CCDC40: variants seen among roughly 807,000 people sequenced by gnomAD.
CCDC40 encodes the protein coiled-coil domain 40 molecular ruler complex subunit.
A neutral mutation model predicts 124.5 loss-of-function variants in CCDC40; 104 were observed. The observed-to-expected ratio is 0.84, with a 90% confidence interval of 0.71 to 0.98. The LOEUF (loss-of-function observed/expected upper bound fraction) is 0.98, where lower values mean the gene tolerates loss of function less well. Ranked by LOEUF, CCDC40 falls within the 50% of genes least tolerant of loss-of-function variation. CCDC40 has a pLI of 0.00. For synonymous variants in CCDC40, 580 were observed against 602.9 expected (o/e 0.96, Z 0.56); for missense variants, 1,463 against 1,503.9 (o/e 0.97, Z 0.45).
chr17:80,095,081 G>A (rs1195688252), intron 17 of CCDC40, among the ~76,000 whole-genome samples, 182 bp from the exon 18 acceptor site: 1 of 152,180 alleles, frequency 6.6e-6, no homozygotes, highest in Non-Finnish European at 1.5e-5. Flanking sequence ...TGGATTCCGG[G>A]TTCCCACCCA....
intron 19 of CCDC40, among the ~76,000 whole-genome samples, chr17:80,099,240 G>A (rs990855219): frequency 1.3e-5 from 2 of 151,636 alleles, no homozygotes; most frequent in African/African-American, 4.9e-5. Flanking sequence ...GCAGTGAGCC[G>A]AGATCGCACC....
chr17:80,063,483 G>T (rs2143668184), intron 9 of CCDC40, among the ~76,000 whole-genome samples: 1 of 152,214 alleles, frequency 6.6e-6, no homozygotes, highest in Non-Finnish European at 1.5e-5. Context: ...AGCCTCAGGG[G>T]CACCATGGGG....
chr17:80,085,990 A>G lies in CCDC40; in HGVS notation c.2236-13A>G. ...CAGCCCTAATTTTGCTTTTTGATGA[A>G]TATCCGGTCTAGGGGGAAGAAGTGG... On this transcript the variant is annotated splice_polypyrimidine_tract_variant and intron_variant, in intron 13 of 19. Coordinates refer to ENST00000397545, the MANE Select transcript of CCDC40 (RefSeq NM_017950.4). 1 of 1,613,120 alleles carries G rather than the reference A, an allele frequency of 6.2e-7. No individual in the cohort carries two copies. Among genetic ancestry groups the G allele is most frequent in the Non-Finnish European group, 8.5e-7 (1 of 1,179,456 alleles).
chr17:80,087,179 C>G lies in CCDC40; in HGVS notation c.2450-428C>G. The G allele has an allele frequency of 3.7e-6, 1 of 268,646 alleles. No individual in the cohort carries two copies. The highest frequency in any genetic ancestry group is 8.6e-5 in the East Asian group (1 of 11,568). The allele number at this position is 268,646 out of a possible 1,614,324, so 16.6% of individuals were successfully genotyped here. A position where few individuals can be genotyped will look rare whatever the true frequency, so the allele number is the denominator to read the frequency against. On this transcript the variant is annotated intron_variant, in intron 14 of 19. Transcript: ENST00000397545. This position sits in a 1 kb window ranked among gnomAD's most constrained non-coding sequence, Gnocchi z 4.5. Reference sequence around the variant, plus strand: ...TCAAGAAGAGCTGTTGTTTTCTGCCCCTACCCCTGAGCTTGGCTGGGGCAG... The same window carrying G: ...TCAAGAAGAGCTGTTGTTTTCTGCCGCTACCCCTGAGCTTGGCTGGGGCAG...
chr17:80,055,507 G>T (rs1248279456), intron 7 of CCDC40, among the ~76,000 whole-genome samples: 1 of 152,056 alleles, frequency 6.6e-6, no homozygotes, highest in Non-Finnish European at 1.5e-5. Context: ...AACAATAAAT[G>T]TTATGAAAGG....
At chr17:80,072,658 A>G (rs1044905035) in intron 10 of CCDC40, among the ~76,000 whole-genome samples, 37 of 152,328 alleles carry the variant, frequency 2.4e-4, no homozygotes, top group African/African-American at 8.9e-4. Context: ...CTAGAATGTC[A>G]TATAAATGGA....
At chr17:80,099,400 C>T in intron 19 of CCDC40, 127 bp from the exon 20 acceptor site, 1 of 1,109,114 alleles carries the variant, frequency 9.0e-7, no homozygotes, top group Non-Finnish European at 1.3e-6. Flanking sequence ...CACCTTCACG[C>T]CGTCCCTTTT....
chr17:80,069,790 GAGAC>G (rs768124269), intron 10 of CCDC40, among the ~76,000 whole-genome samples: 6 of 151,592 alleles, frequency 4.0e-5, no homozygotes, highest in Non-Finnish European at 7.4e-5. Flanking sequence ...GAGAGAGAGA[GAGAC>G]AGAGAGAGAG....
Position 80,058,313 on chromosome 17 carries a change from T to C in CCDC40, c.1160-181T>C, listed in dbSNP as rs1280591297. ...TTGTCTCTTCCAAGAGACTGTAAAC[T>C]CTTTGCTGACAAAGTCTGTGTCTTG... On this transcript the variant is annotated intron_variant, in intron 7 of 19. Transcript: ENST00000397545. This position sits in a 1 kb window ranked among gnomAD's most constrained non-coding sequence, Gnocchi z 4.2. Among the ~76,000 whole-genome samples, 1 of 152,224 alleles carries C rather than the reference T, an allele frequency of 6.6e-6. No homozygotes were observed. Among genetic ancestry groups the C allele is most frequent in the Non-Finnish European group, 1.5e-5 (1 of 68,040 alleles).
intron 7 of CCDC40, among the ~76,000 whole-genome samples, chr17:80,056,018 T>TATA (rs2037740131): frequency 4.5e-5 from 2 of 44,318 alleles, no homozygotes; most frequent in East Asian, 7.9e-4. Flanking sequence ...ATATATATAT[T>TATA]TTTTTTTTTT....
intron 10 of CCDC40, among the ~76,000 whole-genome samples, chr17:80,071,871 T>C (rs539811461): frequency 1.8e-4 from 25 of 136,034 alleles, no homozygotes; most frequent in Non-Finnish European, 1.1e-4. Flanking sequence ...AGTTTCACTC[T>C]TGTCGCCCAG....
intron 19 of CCDC40, 151 bp downstream of exon 19, chr17:80,097,554 C>T (rs2038833386): frequency 4.2e-6 from 3 of 709,990 alleles, no homozygotes; most frequent in Non-Finnish European, 7.0e-6. Context: ...CCACCGGCTG[C>T]TCACATGTTT....
intron 7 of CCDC40, among the ~76,000 whole-genome samples, chr17:80,057,938 TG>T (rs1260402811): frequency 6.6e-6 from 1 of 152,098 alleles, no homozygotes; most frequent in Middle Eastern, 3.2e-3. Context: ...CCTCGGGCCT[TG>T]GCCTCCTCTG....
chr17:80,089,369 A>G (rs2038653584), intron 16 of CCDC40, among the ~76,000 whole-genome samples: 1 of 152,210 alleles, frequency 6.6e-6, no homozygotes, highest in Non-Finnish European at 1.5e-5. Flanking sequence ...ATCTGGGACC[A>G]ATGCTTTGGG....
In CCDC40 at chr17:80,058,673, T is replaced by C. The variant is rs1331306292; in HGVS notation, c.1317+22T>C. 3 of 1,613,524 alleles carry C rather than the reference T, an allele frequency of 1.9e-6. No individual in the cohort carries two copies. The highest frequency in any genetic ancestry group is 2.5e-6 in the Non-Finnish European group (3 of 1,179,604). On this transcript the variant is annotated intron_variant, in intron 8 of 19. Coordinates refer to ENST00000397545, the MANE Select transcript of CCDC40 (RefSeq NM_017950.4). This position sits in a 1 kb window ranked among gnomAD's most constrained non-coding sequence, Gnocchi z 4.2. The stretch of plus-strand genomic sequence containing the variant: ...GCAGGTATTCTGCAAACTCGACACA[T>C]GTTTAATGATCACCAGACCGTGGAG...
intron 9 of CCDC40, among the ~76,000 whole-genome samples, chr17:80,064,103 T>C (rs1278670487): frequency 1.3e-5 from 2 of 151,734 alleles, no homozygotes; most frequent in East Asian, 3.9e-4. Flanking sequence ...GAAAAAAAAG[T>C]CCCCCTCATC....
At chr17:80,060,111 G>A (rs549392795) in intron 9 of CCDC40, among the ~76,000 whole-genome samples, 11 of 152,284 alleles carry the variant, frequency 7.2e-5, no homozygotes, top group South Asian at 6.2e-4. Flanking sequence ...AGATTCAAAC[G>A]GGGCAAGCAG....
At position 80,099,927 on chromosome 17, in the gene CCDC40, G is replaced by T; in HGVS notation, c.*152G>T. The T allele has an allele frequency of 3.8e-6, 3 of 787,408 alleles. No individual in the cohort carries two copies. The South Asian group carries it at 5.1e-5, about 13-fold the overall frequency. The allele number at this position is 787,408 out of a possible 1,614,324, so 48.8% of individuals were successfully genotyped here. A position where few individuals can be genotyped will look rare whatever the true frequency, so the allele number is the denominator to read the frequency against. On this transcript the variant is annotated 3_prime_UTR_variant, in exon 20 of 20. Coordinates refer to ENST00000397545, the MANE Select transcript of CCDC40 (RefSeq NM_017950.4). ...AGAAATAAGCCAGCCCCACCCATAG[G>T]AATCTTTTTAGCCACTCAGCAATTT...
chr17:80,081,251 G>A (rs912734537), intron 10 of CCDC40, among the ~76,000 whole-genome samples: 3 of 152,050 alleles, frequency 2.0e-5, no homozygotes, highest in African/African-American at 7.2e-5. Flanking sequence ...CGGGCATGGT[G>A]GCGCACACCT....
Sources: allele counts gnomAD v4.1 joint callset (sites outside exome capture counted in the v4.1 genomes callset), GRCh38; gene constraint gnomAD v4.1.1; non-coding constraint Gnocchi (gnomAD v3.1); transcripts MANE v1.5; gene names NCBI Gene and HGNC (gene_info 2026-07-23, HGNC 2026-07-21).